Variants in ADK observed in about 807,000 individuals in gnomAD.
ADK encodes the protein adenosine kinase, also known as N6,N6-dimethyladenosine kinase.
A neutral mutation model predicts 44.7 loss-of-function variants in ADK; 24 were observed. The observed-to-expected ratio is 0.54, with a 90% CI of 0.39 to 0.76. The LOEUF (loss-of-function observed/expected upper bound fraction) is 0.76. ADK is among the 30% of genes least tolerant of loss of function. The pLI is 0.00. For missense variants in ADK, 321 were observed against 425.1 expected (o/e 0.76, Z 2.15); for synonymous variants, 128 against 142.6 (o/e 0.90, Z 0.73).
intron 6 of ADK, among the ~76,000 whole-genome samples, chr10:74,474,365 A>C (rs1846730231): frequency 6.6e-6 from 1 of 152,170 alleles, no homozygotes. Context: ...AGCCTCCCAA[A>C]GTGCTGAGAT....
intron 1 of ADK, chr10:74,174,514 A>T (rs776907495): frequency 6.6e-6 from 1 of 152,106 alleles, no homozygotes; most frequent in Non-Finnish European, 1.5e-5. Context: ...GCAGTGCCAA[A>T]CCTGCATTTT....
At chr10:74,553,294 A>G (rs1309396778) in intron 7 of ADK, among the ~76,000 whole-genome samples, 2 of 129,646 alleles carry the variant, frequency 1.5e-5, no homozygotes, top group Non-Finnish European at 3.1e-5. Context: ...TCCACCTCCC[A>G]GGTTCAAGCG....
intron 9 of ADK, among the ~76,000 whole-genome samples, chr10:74,620,948 T>C (rs769647783): frequency 1.3e-5 from 2 of 152,184 alleles, no homozygotes; most frequent in Non-Finnish European, 2.9e-5. Context: ...GTTCCTTGTA[T>C]ATTCTGGATA....
chr10:74,464,085 A>G (rs574271275), intron 6 of ADK, among the ~76,000 whole-genome samples: 19 of 152,302 alleles, frequency 1.2e-4, no homozygotes, highest in Non-Finnish European at 2.5e-4. Flanking sequence ...CCAAAACTAT[A>G]TACGTATAGT....
intron 4 of ADK, among the ~76,000 whole-genome samples, chr10:74,321,435 C>T (rs1321538801): frequency 2.6e-5 from 4 of 151,868 alleles, no homozygotes; most frequent in Non-Finnish European, 5.9e-5. Context: ...AGGTGCACAC[C>T]ACCACACCCA....
At chr10:74,267,773 T>TGTGTGTGTGTGTGTGC (rs1846269698) in intron 3 of ADK, among the ~76,000 whole-genome samples, 1 of 147,790 alleles carries the variant, frequency 6.8e-6, no homozygotes, top group Non-Finnish European at 1.5e-5. Context: ...TGTGTGTGTG[T>TGTGTGTGTGTGTGTGC]GTGTGTGTGT....
intron 4 of ADK, among the ~76,000 whole-genome samples, chr10:74,330,173 C>T (rs1160028880): frequency 6.6e-6 from 1 of 151,972 alleles, no homozygotes; most frequent in Non-Finnish European, 1.5e-5. Context: ...GTCTCAAAAC[C>T]AAATAATAAT....
chr10:74,469,057 G>A (rs1008582926), intron 6 of ADK, among the ~76,000 whole-genome samples: 3 of 151,994 alleles, frequency 2.0e-5, no homozygotes, highest in Non-Finnish European at 2.9e-5. Flanking sequence ...CCCACTTTAG[G>A]CTGTACATGG....
At chr10:74,520,481 C>T (rs1472394007) in intron 6 of ADK, among the ~76,000 whole-genome samples, 1 of 151,714 alleles carries the variant, frequency 6.6e-6, no homozygotes, top group African/African-American at 2.4e-5. Context: ...CATACACATA[C>T]CCCTATTCCT....
chr10:74,235,059 A>AGT (rs1318080874), intron 3 of ADK, among the ~76,000 whole-genome samples: 1 of 151,560 alleles, frequency 6.6e-6, no homozygotes, highest in Non-Finnish European at 1.5e-5. Flanking sequence ...GTCTGTGTTG[A>AGT]GTAAAGCCTG....
At chr10:74,171,524 T>TA (rs1842159245) in intron 1 of ADK, among the ~76,000 whole-genome samples, 1 of 152,198 alleles carries the variant, frequency 6.6e-6, no homozygotes, top group South Asian at 2.1e-4. Flanking sequence ...ATTGCTTTTA[T>TA]AGGGCCAGAC....
chr10:74,390,000 T>C (rs1843281741), intron 4 of ADK, among the ~76,000 whole-genome samples: 1 of 152,114 alleles, frequency 6.6e-6, no homozygotes. Context: ...GAACAAAGTT[T>C]GCTATTATTT....
At chr10:74,357,643 C>T (rs559434187) in intron 4 of ADK, among the ~76,000 whole-genome samples, 9 of 152,072 alleles carry the variant, frequency 5.9e-5, no homozygotes, top group African/African-American at 2.2e-4. Flanking sequence ...CACAATTTAA[C>T]TGTAGGTCTG....
chr10:74,333,712 C>T (rs1841307986), intron 4 of ADK, among the ~76,000 whole-genome samples: 1 of 151,968 alleles, frequency 6.6e-6, no homozygotes, highest in South Asian at 2.1e-4. Context: ...TTCTCAAAAA[C>T]TGTTGTAAGA....
chr10:74,249,882 C>G (rs762229678), intron 3 of ADK, among the ~76,000 whole-genome samples: 1 of 152,082 alleles, frequency 6.6e-6, no homozygotes, highest in Non-Finnish European at 1.5e-5. Context: ...GTGTAAAGCC[C>G]TATTTTAGAC....
intron 9 of ADK, among the ~76,000 whole-genome samples, chr10:74,639,198 A>G (rs1468830768): frequency 3.3e-5 from 5 of 152,230 alleles, no homozygotes; most frequent in African/African-American, 1.2e-4. Context: ...TCAAATTAGA[A>G]TATGTGAGAT....
chr10:74,411,859 T>C (rs1351725265), intron 6 of ADK, among the ~76,000 whole-genome samples: 1 of 152,232 alleles, frequency 6.6e-6, no homozygotes, highest in African/African-American at 2.4e-5. Context: ...GTTATGTTTA[T>C]GCAGTATTCT....
chr10:74,499,806 G>A (rs559975406), intron 6 of ADK, among the ~76,000 whole-genome samples: 1 of 152,230 alleles, frequency 6.6e-6, no homozygotes, highest in East Asian at 1.9e-4. Context: ...AATTCAAGAC[G>A]CCTCTGCCAT....
At position 74,184,501 on chromosome 10, in the gene ADK, TTGTGTGTGTGTGTGTGTGTGTG is replaced by T. The variant is rs67693938; in HGVS notation, c.66-16241_66-16220del. ...ACACACCACCATGCCTGGCTATATT[TTGTGTGTGTGTGTGTGTGTGTG>T]TGTGTGTGTGTGTGTGTGTGTCAGG... On this transcript the variant is annotated intron_variant, in intron 1 of 10. Coordinates refer to ENST00000539909, the MANE Select transcript of ADK (RefSeq NM_006721.4). 2.9e-3 allele frequency among the ~76,000 whole-genome samples: 402 copies of T among 138,508 alleles called. 6 individuals carry two copies. Among genetic ancestry groups the T allele is most frequent in the African/African-American group, 0.01 (378 of 36,728 alleles). 90.9% of individuals were successfully genotyped at this position (138,508 alleles called of 152,430 possible). A position where few individuals can be genotyped will look rare whatever the true frequency, so the allele number is the denominator to read the frequency against.
Sources: gnomAD v4.1 joint callset for allele counts (sites outside exome capture counted in the v4.1 genomes callset) on GRCh38, gnomAD v4.1.1 for gene constraint, MANE v1.5 for transcripts, NCBI Gene and HGNC (gene_info 2026-07-23, HGNC 2026-07-21) for gene names.